Variants in LARGE1 observed in about 807,000 individuals in gnomAD.
The protein encoded by LARGE1 is LARGE xylosyl- and glucuronyltransferase 1.
A neutral mutation model predicts 87.6 loss-of-function variants in LARGE1; 43 were observed. That is an observed-to-expected ratio of 0.49 (90% CI 0.38 to 0.63). LARGE1 has a LOEUF of 0.63. LARGE1 is among the 30% of genes least tolerant of loss of function. The probability of loss-of-function intolerance (pLI) is 0.00; values close to 1 mark genes in which losing one functional copy is unlikely to be tolerated. For synonymous variants in LARGE1, 434 were observed against 394.6 expected (o/e 1.10, Z -1.18); for missense variants, 802 against 1,000.2 (o/e 0.80, Z 2.67).
chr22:33,403,265 G>C (rs1324352563), intron 7 of LARGE1, among the ~76,000 whole-genome samples: 1 of 152,184 alleles, frequency 6.6e-6, no homozygotes, highest in African/African-American at 2.4e-5. Flanking sequence ...CATTGGCAAT[G>C]AACTGGAGTG....
chr22:33,897,442 G>A (rs1264926095), intron 1 of LARGE1, among the ~76,000 whole-genome samples: 2 of 152,150 alleles, frequency 1.3e-5, no homozygotes, highest in South Asian at 2.1e-4. Flanking sequence ...AGCATAAAAC[G>A]AAAGCAGGAG....
chr22:33,230,440 C>T (rs1304509129), intron 11 of LARGE1, among the ~76,000 whole-genome samples: 1 of 152,044 alleles, frequency 6.6e-6, no homozygotes, highest in Non-Finnish European at 1.5e-5. Flanking sequence ...CTAAGTCTTG[C>T]CCTCACAGAG....
intron 6 of LARGE1, among the ~76,000 whole-genome samples, chr22:33,432,721 A>C (rs2067124358): frequency 6.6e-6 from 1 of 152,128 alleles, no homozygotes; most frequent in South Asian, 2.1e-4. Context: ...TTTTCTGGGA[A>C]TGGACTGGGA....
the LARGE1 span, among the ~76,000 whole-genome samples, chr22:33,140,316 A>G: frequency 2.0e-5 from 3 of 149,500 alleles, no homozygotes; most frequent in East Asian, 1.9e-4. Context: ...ATCATACAGA[A>G]CAGTGGGTGC....
At chr22:33,619,222 G>A (rs913168731) in intron 4 of LARGE1, among the ~76,000 whole-genome samples, 3 of 151,858 alleles carry the variant, frequency 2.0e-5, no homozygotes, top group African/African-American at 4.8e-5. Context: ...AGATCACAAC[G>A]TCTACACTAT....
intron 6 of LARGE1, among the ~76,000 whole-genome samples, chr22:33,559,960 G>A (rs1052633478): frequency 6.6e-6 from 1 of 152,050 alleles, no homozygotes; most frequent in African/African-American, 2.4e-5. Context: ...GTCACTTTGA[G>A]TTCTTTCACG....
chr22:33,193,150 G>A (rs927161461), intron 11 of LARGE1, among the ~76,000 whole-genome samples: 3 of 152,008 alleles, frequency 2.0e-5, no homozygotes, highest in Admixed American at 2.0e-4. Flanking sequence ...AATAAAGAGG[G>A]AGAGACTGAG....
the LARGE1 span, among the ~76,000 whole-genome samples, chr22:33,089,374 T>TCTTCTTCTC: frequency 7.6e-6 from 1 of 131,458 alleles, no homozygotes; most frequent in South Asian, 2.5e-4. Flanking sequence ...TTCTTCTCCT[T>TCTTCTTCTC]CTTCTTCTTC....
chr22:33,096,970 A>C, the LARGE1 span, among the ~76,000 whole-genome samples: 1 of 152,240 alleles, frequency 6.6e-6, no homozygotes, highest in Admixed American at 6.5e-5. Context: ...TAATCTGGGC[A>C]AGACTGGGGA....
chr22:33,591,314 A>T (rs925336008), intron 5 of LARGE1, among the ~76,000 whole-genome samples: 1 of 152,198 alleles, frequency 6.6e-6, no homozygotes, highest in African/African-American at 2.4e-5. Context: ...GACACTTTGT[A>T]TTGTGAGTCC....
chr22:33,557,500 C>A (rs906400965), intron 6 of LARGE1, among the ~76,000 whole-genome samples: 12 of 152,148 alleles, frequency 7.9e-5, no homozygotes, highest in African/African-American at 2.9e-4. Flanking sequence ...CGTTAAAGAC[C>A]TAAACAAAAC....
At chr22:33,530,808 C>T (rs1000225179) in intron 6 of LARGE1, among the ~76,000 whole-genome samples, 5 of 152,144 alleles carry the variant, frequency 3.3e-5, no homozygotes, top group Admixed American at 2.6e-4. Flanking sequence ...GAAATAGCAG[C>T]CTACATGATG....
chr22:33,196,578 A>C (rs2146202442), intron 11 of LARGE1, among the ~76,000 whole-genome samples: 1 of 152,110 alleles, frequency 6.6e-6, no homozygotes, highest in East Asian at 1.9e-4. Context: ...CAAATGAATA[A>C]GGAAATTCAC....
At chr22:33,241,646 G>C (rs1265941313) in intron 11 of LARGE1, among the ~76,000 whole-genome samples, 3 of 151,422 alleles carry the variant, frequency 2.0e-5, no homozygotes, top group African/African-American at 7.3e-5. Flanking sequence ...GTATATATAT[G>C]TGTGTGTATA....
At chr22:33,194,443 C>T (rs922723139) in intron 11 of LARGE1, among the ~76,000 whole-genome samples, 5 of 152,130 alleles carry the variant, frequency 3.3e-5, no homozygotes, top group Admixed American at 3.3e-4. Flanking sequence ...ATTTTCCTAT[C>T]CCATCAATTT....
intron 6 of LARGE1, among the ~76,000 whole-genome samples, chr22:33,499,337 T>TTG (rs1367996262): frequency 6.6e-6 from 1 of 152,240 alleles, no homozygotes; most frequent in Non-Finnish European, 1.5e-5. Context: ...TCATCCCTGT[T>TTG]CAAAGTATGG....
At chr22:33,730,092 C>T (rs183820838) in intron 2 of LARGE1, among the ~76,000 whole-genome samples, 3 of 152,152 alleles carry the variant, frequency 2.0e-5, no homozygotes, top group African/African-American at 7.2e-5. Context: ...TCCACAAATA[C>T]ACAGATTTTC....
At chr22:33,275,147 T>A (rs112599073) in intron 14 of LARGE1, among the ~76,000 whole-genome samples, 1 of 152,194 alleles carries the variant, frequency 6.6e-6, no homozygotes, top group Non-Finnish European at 1.5e-5. Context: ...ACAAGTATTT[T>A]GCTGGACCTA....
chr22:33,616,360 A>G (rs1444282959), intron 4 of LARGE1, among the ~76,000 whole-genome samples: 2 of 149,728 alleles, frequency 1.3e-5, no homozygotes, highest in African/African-American at 4.9e-5. Context: ...CAAAAAAATA[A>G]GAAAATTTAA....
Sources: gnomAD v4.1 joint callset for allele counts (sites outside exome capture counted in the v4.1 genomes callset) on GRCh38, gnomAD v4.1.1 for gene constraint, MANE v1.5 for transcripts, NCBI Gene and HGNC (gene_info 2026-07-23, HGNC 2026-07-21) for gene names.